The following SLC44A5 variants were observed in gnomAD, a reference collection of about 807,000 sequenced individuals.
SLC44A5 encodes choline transporter-like protein 5.
SLC44A5 carries 57 observed loss-of-function variants against 101.8 expected under a neutral mutation model. That is an observed-to-expected ratio of 0.56 (90% CI 0.45 to 0.70). The LOEUF (loss-of-function observed/expected upper bound fraction) is 0.70. Among genes scored for constraint, SLC44A5 ranks in the 30% least tolerant of loss-of-function variants. The pLI, the probability that SLC44A5 is intolerant of heterozygous loss-of-function variation, is 0.00. For synonymous variants in SLC44A5, 281 were observed against 290.9 expected (o/e 0.97, Z 0.35); for missense variants, 737 against 853.1 (o/e 0.86, Z 1.70).
At chr1:75,539,754 T>G (rs933438164) in intron 2 of SLC44A5, among the ~76,000 whole-genome samples, 6 of 152,126 alleles carry the variant, frequency 3.9e-5, no homozygotes, top group African/African-American at 1.4e-4. Flanking sequence ...TGACAATAAA[T>G]GGAGGCCAAC....
chr1:75,283,342 A>C (rs545373668), intron 5 of SLC44A5, among the ~76,000 whole-genome samples: 1 of 151,822 alleles, frequency 6.6e-6, no homozygotes, highest in South Asian at 2.1e-4. Context: ...TTTTGATCAG[A>C]TTCTTTGGTG....
chr1:75,672,105 G>C, the SLC44A5 span, among the ~76,000 whole-genome samples: 1 of 152,096 alleles, frequency 6.6e-6, no homozygotes, highest in Non-Finnish European at 1.5e-5. Flanking sequence ...CATAGTGCCT[G>C]CTTTTTGTTT....
At chr1:75,375,370 T>C (rs534066025) in intron 3 of SLC44A5, among the ~76,000 whole-genome samples, 1 of 152,202 alleles carries the variant, frequency 6.6e-6, no homozygotes, top group African/African-American at 2.4e-5. Flanking sequence ...CTCACTGGCA[T>C]GTCTGAGAGA....
intron 1 of SLC44A5, among the ~76,000 whole-genome samples, chr1:75,588,422 T>C (rs6681267): frequency 0.1 from 15,327 of 152,152 alleles, 1,323 homozygotes; most frequent in African/African-American, 0.24. Context: ...GTAGGTAATA[T>C]AGTCTCCATT....
At chr1:75,699,960 C>G in the SLC44A5 span, among the ~76,000 whole-genome samples, 1,351 of 152,090 alleles carry the variant, frequency 8.9e-3, 11 homozygotes, top group Non-Finnish European at 9.9e-3. Context: ...AGCTAACTAT[C>G]CTAAATATAT....
intron 1 of SLC44A5, among the ~76,000 whole-genome samples, chr1:75,562,340 C>G (rs1261613539): frequency 6.6e-6 from 1 of 151,972 alleles, no homozygotes; most frequent in Non-Finnish European, 1.5e-5. Flanking sequence ...AACTATATCA[C>G]CAGGTTTTCT....
At chr1:75,664,037 G>C in the SLC44A5 span, among the ~76,000 whole-genome samples, 1 of 152,064 alleles carries the variant, frequency 6.6e-6, no homozygotes, top group Non-Finnish European at 1.5e-5. Flanking sequence ...CACCACTTAA[G>C]AGGAATCAAA....
intron 2 of SLC44A5, among the ~76,000 whole-genome samples, chr1:75,452,491 T>A (rs192432823): frequency 6.6e-6 from 1 of 152,056 alleles, no homozygotes; most frequent in East Asian, 1.9e-4. Context: ...CCCCACACAA[T>A]AGAAAGTAAA....
chr1:75,482,170 A>AC (rs1315174689), intron 2 of SLC44A5, among the ~76,000 whole-genome samples: 1 of 151,946 alleles, frequency 6.6e-6, no homozygotes, highest in Non-Finnish European at 1.5e-5. Flanking sequence ...TATCACAAGG[A>AC]TAAAAAACCA....
intron 2 of SLC44A5, among the ~76,000 whole-genome samples, chr1:75,434,211 G>T (rs1157381921): frequency 6.6e-6 from 1 of 151,990 alleles, no homozygotes; most frequent in African/African-American, 2.4e-5. Context: ...TTTTAAGGAG[G>T]CTCCCATTTC....
chr1:75,595,278 C>A (rs1332310869), intron 1 of SLC44A5, among the ~76,000 whole-genome samples: 1 of 152,006 alleles, frequency 6.6e-6, no homozygotes, highest in Non-Finnish European at 1.5e-5. Flanking sequence ...TGCCTAAGGG[C>A]AGCTTTTCAC....
At chr1:75,242,831 G>C in intron 8 of SLC44A5, 55 bp downstream of exon 8, 25 of 1,522,590 alleles carry the variant, frequency 1.6e-5, no homozygotes, top group Non-Finnish European at 2.1e-5. Flanking sequence ...CGTTACACTT[G>C]AGATTGAAAA....
At position 75,243,087 on chromosome 1, in the gene SLC44A5, A is replaced by C. The variant is rs1249123355; in HGVS notation, c.346-76T>G. 6.2e-6 allele frequency: 9 copies of C among 1,462,292 alleles called. No individual in the cohort carries two copies. In the African/African-American group the frequency reaches 1.3e-4, roughly 21 times the overall value. The allele number at this position is 1,462,292 out of a possible 1,614,324, so 90.6% of individuals were successfully genotyped here. On this transcript the variant is annotated intron_variant, in intron 7 of 23. Coordinates refer to ENST00000370859, the MANE Select transcript of SLC44A5 (RefSeq NM_001130058.2). Reference sequence around the variant, plus strand: ...AACTACCTATAAAGCTAGACTTCTAAATTATCCACCATAACAAAAAGCAAT... The same window carrying C: ...AACTACCTATAAAGCTAGACTTCTACATTATCCACCATAACAAAAAGCAAT...
At chr1:75,714,870 C>T in the SLC44A5 span, among the ~76,000 whole-genome samples, 1 of 152,178 alleles carries the variant, frequency 6.6e-6, no homozygotes, top group Non-Finnish European at 1.5e-5. Flanking sequence ...GACAAGGTTT[C>T]ACCATGCTGG....
chr1:75,626,952 C>T, the SLC44A5 span, among the ~76,000 whole-genome samples: 2 of 152,166 alleles, frequency 1.3e-5, no homozygotes, highest in South Asian at 4.1e-4. Flanking sequence ...TCTCTGCCCT[C>T]AACATTCTAT....
intron 1 of SLC44A5, among the ~76,000 whole-genome samples, chr1:75,578,663 A>G (rs895238555): frequency 1.6e-4 from 24 of 152,156 alleles, no homozygotes; most frequent in African/African-American, 5.8e-4. Flanking sequence ...GATGTTGGTC[A>G]AAGGGTGCAA....
Position 75,249,228 on chromosome 1 carries a change from G to T in SLC44A5, c.345+1982C>A, listed in dbSNP as rs369552293. The stretch of plus-strand genomic sequence containing the variant: ...GATGAGGAAGCAAAAAAATAAAGCA[G>T]ATTTACAAACTAATCCTAGGGACTA... On this transcript the variant is annotated intron_variant, in intron 7 of 23. Transcript: ENST00000370859. Among the ~76,000 whole-genome samples the T allele has an allele frequency of 4.6e-5, 7 of 151,960 alleles. No homozygotes were observed. In the East Asian group the frequency reaches 5.8e-4, roughly 13 times the overall value.
chr1:75,717,897 C>T, the SLC44A5 span, among the ~76,000 whole-genome samples: 3 of 152,104 alleles, frequency 2.0e-5, no homozygotes, highest in African/African-American at 7.2e-5. Flanking sequence ...GAAAGCTGAC[C>T]AACAATTGCC....
chr1:75,485,738 T>C (rs763615620), intron 2 of SLC44A5, among the ~76,000 whole-genome samples: 3 of 152,182 alleles, frequency 2.0e-5, no homozygotes, highest in Non-Finnish European at 4.4e-5. Flanking sequence ...TGAGAGTGGG[T>C]AATTTATAAA....
Sources: allele counts gnomAD v4.1 joint callset (sites outside exome capture counted in the v4.1 genomes callset), GRCh38; gene constraint gnomAD v4.1.1; transcripts MANE v1.5; gene names NCBI Gene and HGNC (gene_info 2026-07-23, HGNC 2026-07-21).